NFIA: variants seen among roughly 807,000 people sequenced by gnomAD.
The protein encoded by NFIA is nuclear factor I A, also known as nuclear factor 1 A-type.
In NFIA, 8 loss-of-function variants were observed where a neutral mutation model predicts 62.8. That is an observed-to-expected ratio of 0.13 (90% confidence interval 0.07 to 0.23). The LOEUF (loss-of-function observed/expected upper bound fraction) is 0.23, where lower values mean the gene tolerates loss of function less well. NFIA is among the 10% of genes least tolerant of loss of function. The pLI is 1.00. For synonymous variants in NFIA, 235 were observed against 238.1 expected, an observed-to-expected ratio of 0.99 and a Z score of 0.12; for missense variants, 410 against 642.1, an observed-to-expected ratio of 0.64 and a Z score of 3.91.
chr1:61,162,654 A>G (rs780279717), intron 2 of NFIA, among the ~76,000 whole-genome samples: 46 of 152,138 alleles, frequency 3.0e-4, no homozygotes, highest in Non-Finnish European at 5.3e-4. Flanking sequence ...TATCTGTCCC[A>G]TGGAAAACAG....
intron 9 of NFIA, 22 bp downstream of exon 9, chr1:61,406,749 C>T (rs776820553): frequency 1.3e-5 from 20 of 1,582,310 alleles, no homozygotes; most frequent in African/African-American, 2.7e-5. Context: ...TGCGACAAGG[C>T]GCCGGTCACT....
intron 2 of NFIA, among the ~76,000 whole-genome samples, chr1:61,246,261 C>G (rs754622800): frequency 2.6e-5 from 4 of 151,970 alleles, no homozygotes; most frequent in Admixed American, 2.6e-4. Context: ...CAGGATCTCT[C>G]GGAAAGTTGC....
intron 2 of NFIA, chr1:61,251,090 C>T (rs1656003519): frequency 6.6e-6 from 1 of 152,190 alleles, no homozygotes; most frequent in African/African-American, 2.4e-5. Context: ...TTTCACACAT[C>T]ATCACTCTCT....
intron 2 of NFIA, among the ~76,000 whole-genome samples, chr1:61,263,444 G>A (rs1016260684): frequency 6.6e-6 from 1 of 152,168 alleles, no homozygotes; most frequent in African/African-American, 2.4e-5. Flanking sequence ...AGGTAGAACT[G>A]CTCGCTTGTG....
At position 61,257,563 on chromosome 1, in the gene NFIA, C is replaced by A. The variant is rs1412907609; in HGVS notation, c.560-19957C>A. Among the ~76,000 whole-genome samples, 6 of 152,044 alleles carry A rather than the reference C, an allele frequency of 3.9e-5. No homozygotes were observed. The East Asian group carries it at 1.2e-3, about 29-fold the overall frequency. On this transcript the variant is annotated intron_variant, in intron 2 of 10. Coordinates refer to ENST00000403491, the MANE Select transcript of NFIA (RefSeq NM_001134673.4). Reference sequence around the variant, plus strand: ...CCATGTTAGCCAGGATGGTCTCGAACTCCTGACCTCATGATCTGCCTACTT... The same window carrying A: ...CCATGTTAGCCAGGATGGTCTCGAAATCCTGACCTCATGATCTGCCTACTT...
intron 3 of NFIA, among the ~76,000 whole-genome samples, chr1:61,290,974 T>A (rs142404910): frequency 1.1e-3 from 174 of 152,326 alleles, no homozygotes; most frequent in African/African-American, 4.1e-3. Flanking sequence ...AGGGGAATGA[T>A]GAATTATCTA....
intron 10 of NFIA, 99 bp from the exon 11 acceptor site, chr1:61,455,204 C>G: frequency 8.0e-7 from 1 of 1,244,020 alleles, no homozygotes; most frequent in Non-Finnish European, 1.2e-6. Flanking sequence ...CTCCCGCATC[C>G]CTAACGTAGA....
At chr1:61,195,076 A>T (rs2100580750) in intron 2 of NFIA, among the ~76,000 whole-genome samples, 1 of 152,028 alleles carries the variant, frequency 6.6e-6, no homozygotes, top group South Asian at 2.1e-4. Flanking sequence ...TGTTATTCTG[A>T]CTTCAACTGC....
At chr1:61,339,129 A>G (rs536812389) in intron 4 of NFIA, among the ~76,000 whole-genome samples, 43 of 152,362 alleles carry the variant, frequency 2.8e-4, no homozygotes, top group African/African-American at 8.4e-4. Context: ...CAGCACAAAA[A>G]GTCTCCATAA....
chr1:61,186,012 A>G (rs1457042886), intron 2 of NFIA, among the ~76,000 whole-genome samples: 1 of 152,158 alleles, frequency 6.6e-6, no homozygotes, highest in Non-Finnish European at 1.5e-5. Context: ...TTTCCTAATC[A>G]CATTGGGAAT....
chr1:61,298,882 C>T (rs540991278), intron 3 of NFIA, among the ~76,000 whole-genome samples: 31 of 152,208 alleles, frequency 2.0e-4, no homozygotes, highest in African/African-American at 6.7e-4. Flanking sequence ...AGAAACGTCC[C>T]GGTGTTTCAA....
intron 2 of NFIA, among the ~76,000 whole-genome samples, chr1:61,182,277 A>T (rs955104019): frequency 6.6e-5 from 10 of 152,240 alleles, no homozygotes; most frequent in African/African-American, 1.9e-4. Flanking sequence ...TTCCTCTGTG[A>T]TCCCCTTGCA....
chr1:61,265,652 G>T (rs1158901489), intron 2 of NFIA, among the ~76,000 whole-genome samples: 1 of 152,166 alleles, frequency 6.6e-6, no homozygotes, highest in African/African-American at 2.4e-5. Context: ...ATAATATAAC[G>T]TAGAGAAGGT....
intron 2 of NFIA, among the ~76,000 whole-genome samples, chr1:61,221,964 G>A (rs1324277585): frequency 6.6e-6 from 1 of 152,102 alleles, no homozygotes; most frequent in African/African-American, 2.4e-5. Flanking sequence ...GACATTGTTG[G>A]TTTGTTAAAA....
rs558733093 is a variant in NFIA, at chr1:61,205,505, G to A, written c.560-72015G>A. ...TGCTCCTGGCTGTGGCCTAGCACTC[G>A]GTCCAGTGTCTTCATATTAACCCAT... is the stretch of plus-strand genomic sequence containing the variant. On this transcript the variant is annotated intron_variant, in intron 2 of 10. Transcript: ENST00000403491. Among the ~76,000 whole-genome samples, 13 of 152,264 alleles carry A rather than the reference G, an allele frequency of 8.5e-5. No homozygotes were observed. The East Asian group carries it at 2.1e-3, about 25-fold the overall frequency.
intron 2 of NFIA, among the ~76,000 whole-genome samples, chr1:61,188,533 T>C (rs1651372004): frequency 6.6e-6 from 1 of 152,216 alleles, no homozygotes; most frequent in African/African-American, 2.4e-5. Context: ...TTAATCTGGG[T>C]TTAAATCCTG....
chr1:61,452,141 A>G (rs1206242485), intron 10 of NFIA, among the ~76,000 whole-genome samples: 3 of 152,182 alleles, frequency 2.0e-5, no homozygotes, highest in Non-Finnish European at 4.4e-5. Context: ...CTAGCAGCTC[A>G]TGGAAGTTTC....
chr1:61,336,890 G>A (rs896197520), intron 4 of NFIA, among the ~76,000 whole-genome samples: 1 of 152,074 alleles, frequency 6.6e-6, no homozygotes. Flanking sequence ...ATTAATGATG[G>A]CTTAGGTTGA....
intron 2 of NFIA, among the ~76,000 whole-genome samples, chr1:61,275,532 A>G (rs1237458051): frequency 6.6e-6 from 1 of 152,198 alleles, no homozygotes; most frequent in Non-Finnish European, 1.5e-5. Context: ...GATTAATTAT[A>G]AAGATATTAC....
Sources: allele counts gnomAD v4.1 joint callset (sites outside exome capture counted in the v4.1 genomes callset), GRCh38; gene constraint gnomAD v4.1.1; transcripts MANE v1.5; gene names NCBI Gene and HGNC (gene_info 2026-07-23, HGNC 2026-07-21).